Variants in SLC4A4 observed in about 807,000 individuals in gnomAD.
SLC4A4 encodes solute carrier family 4 member 4.
Under a neutral mutation model 111.5 loss-of-function variants are expected in SLC4A4, and 27 were observed. The ratio of observed to expected loss-of-function variants is 0.24; its 90% CI spans 0.18 to 0.33. The LOEUF (loss-of-function observed/expected upper bound fraction) is 0.33, where lower values mean the gene tolerates loss of function less well. Among genes scored for constraint, SLC4A4 ranks in the 10% least tolerant of loss-of-function variants. The pLI is 1.00. For missense variants in SLC4A4, 909 were observed against 1,315.5 expected (o/e 0.69, Z 4.78); for synonymous variants, 443 against 463.4 (o/e 0.96, Z 0.57).
Position 71,138,807 on chromosome 4 carries a change from A to C in SLC4A4, c.-2+46015A>C, listed in dbSNP as rs188631676. Reference sequence around the variant, plus strand: ...ATCCCAGCACTTTGGGAGGCCAAGGAGGGCGGATCACGAGGTCAGGAGATT... The same window carrying C: ...ATCCCAGCACTTTGGGAGGCCAAGGCGGGCGGATCACGAGGTCAGGAGATT... On this transcript the variant is annotated intron_variant, in intron 2 of 26. Coordinates refer to the SLC4A4 transcript ENST00000649996. Among the ~76,000 whole-genome samples the C allele has an allele frequency of 6.6e-3, 999 of 152,012 alleles. 9 individuals are homozygous for C. The highest frequency in any genetic ancestry group is 0.017 in the Middle Eastern group (5 of 294).
At chr4:71,525,804 T>C (rs1733366094) in intron 16 of SLC4A4, among the ~76,000 whole-genome samples, 1 of 152,124 alleles carries the variant, frequency 6.6e-6, no homozygotes, top group Non-Finnish European at 1.5e-5. Flanking sequence ...TTGATATCTT[T>C]ATTGATATAT....
intron 2 of SLC4A4, among the ~76,000 whole-genome samples, chr4:71,109,797 C>T (rs527289940): frequency 1.3e-5 from 2 of 152,086 alleles, no homozygotes; most frequent in Non-Finnish European, 2.9e-5. Flanking sequence ...TCGTCCTCGG[C>T]CTCCCGAAGT....
chr4:71,193,420 A>C (rs1745842015), intron 1 of SLC4A4, among the ~76,000 whole-genome samples: 1 of 152,124 alleles, frequency 6.6e-6, no homozygotes. Flanking sequence ...TGGCCTCCCA[A>C]AGTGCTGAGA....
At chr4:71,070,448 GA>G (rs1741634738) in intron 1 of SLC4A4, among the ~76,000 whole-genome samples, 1 of 152,156 alleles carries the variant, frequency 6.6e-6, no homozygotes, top group African/African-American at 2.4e-5. Context: ...GCTTCTTGAT[GA>G]AAGCAATGTA....
chr4:71,197,663 C>G (rs1746068048), intron 1 of SLC4A4, among the ~76,000 whole-genome samples: 1 of 152,092 alleles, frequency 6.6e-6, no homozygotes, highest in African/African-American at 2.4e-5. Flanking sequence ...CAACATGGCA[C>G]ATGTATACAT....
intron 3 of SLC4A4, among the ~76,000 whole-genome samples, chr4:71,270,534 T>A (rs1169774291): frequency 6.6e-6 from 1 of 152,234 alleles, no homozygotes; most frequent in Admixed American, 6.5e-5. Context: ...GACTTGGGGA[T>A]TCTGTGAGAA....
chr4:71,435,251 A>G (rs1724017506), intron 7 of SLC4A4, among the ~76,000 whole-genome samples: 1 of 152,174 alleles, frequency 6.6e-6, no homozygotes, highest in Non-Finnish European at 1.5e-5. Context: ...CAGAAATAAC[A>G]TCACACATCT....
At chr4:71,426,679 C>CA (rs1190847394) in intron 7 of SLC4A4, among the ~76,000 whole-genome samples, 1 of 152,086 alleles carries the variant, frequency 6.6e-6, no homozygotes, top group Non-Finnish European at 1.5e-5. Context: ...TTCTACATCC[C>CA]AGCCCTTGTT....
At chr4:71,478,973 A>G (rs957096819) in intron 14 of SLC4A4, among the ~76,000 whole-genome samples, 1 of 151,778 alleles carries the variant, frequency 6.6e-6, no homozygotes, top group Non-Finnish European at 1.5e-5. Context: ...CTCAAGGCAC[A>G]TTAATATTTT....
rs546783373 is a variant in SLC4A4, at chr4:71,400,969, G to A, written c.807+3316G>A. Among the ~76,000 whole-genome samples the A allele has an allele frequency of 4.6e-5, 7 of 152,224 alleles. No homozygotes were observed. The South Asian group carries it at 1.5e-3, about 32-fold the overall frequency. On this transcript the variant is annotated intron_variant, in intron 7 of 25. Transcript: ENST00000264485. ...GGCAGTAAACTCAAACTTGTCTTGT[G>A]TACTTGTCCAAGTTGGCCCCAAAAA...
rs942185317 is a variant in SLC4A4, at chr4:71,122,729, A to G, written c.-2+29937A>G. Among the ~76,000 whole-genome samples, 4 of 152,186 alleles carry G rather than the reference A, an allele frequency of 2.6e-5. No individual in the cohort carries two copies. In the South Asian group the frequency reaches 8.3e-4, roughly 32 times the overall value. On this transcript the variant is annotated intron_variant, in intron 2 of 26. Coordinates refer to the SLC4A4 transcript ENST00000649996. ...TCTCAGGCTTCCACATGCTGGCCGT[A>G]GAGTTTCTCCCAGACCATCCCCCCT...
chr4:71,459,297 A>C (rs1187445514), intron 12 of SLC4A4, among the ~76,000 whole-genome samples: 1 of 152,020 alleles, frequency 6.6e-6, no homozygotes, highest in Non-Finnish European at 1.5e-5. Flanking sequence ...TGTTTTGAGA[A>C]TAAGATATAA....
chr4:71,390,661 T>C (rs887322032), intron 6 of SLC4A4, among the ~76,000 whole-genome samples: 1 of 152,180 alleles, frequency 6.6e-6, no homozygotes, highest in East Asian at 1.9e-4. Flanking sequence ...TCTGTAGTGA[T>C]GTTATTCTGC....
At chr4:71,301,545 A>T (rs138060069) in intron 3 of SLC4A4, among the ~76,000 whole-genome samples, 4 of 152,368 alleles carry the variant, frequency 2.6e-5, no homozygotes, top group African/African-American at 9.6e-5. Flanking sequence ...GGGAATCCAG[A>T]TAGTAGTGTC....
intron 2 of SLC4A4, among the ~76,000 whole-genome samples, chr4:71,107,552 G>A (rs1207326149): frequency 2.0e-5 from 3 of 152,080 alleles, no homozygotes; most frequent in Admixed American, 2.0e-4. Flanking sequence ...GTTTCACCAT[G>A]TTGGCCAGGC....
Position 71,424,443 on chromosome 4 carries a change from G to A in SLC4A4, c.808-16173G>A, listed in dbSNP as rs529162646. Among the ~76,000 whole-genome samples, 8 of 151,882 alleles carry A rather than the reference G, an allele frequency of 5.3e-5. No individual in the cohort carries two copies. In the East Asian group the frequency reaches 1.6e-3, roughly 29 times the overall value. On this transcript the variant is annotated intron_variant, in intron 7 of 25. Coordinates refer to ENST00000264485, the MANE Select transcript of SLC4A4 (RefSeq NM_001098484.3). ...TGGAAGTCAGTGTGGCGATTCCTCA[G>A]GGATCTAGAACTAGAAATACCATTT...
chr4:71,379,134 T>A (rs73828118), intron 6 of SLC4A4, among the ~76,000 whole-genome samples: 3 of 152,186 alleles, frequency 2.0e-5, no homozygotes, highest in Non-Finnish European at 4.4e-5. Context: ...GCCAGAAGGA[T>A]CTACGTTATG....
intron 1 of SLC4A4, among the ~76,000 whole-genome samples, chr4:71,187,825 T>C (rs1158561773): frequency 1.3e-5 from 2 of 151,950 alleles, no homozygotes; most frequent in African/African-American, 4.8e-5. Context: ...CCTAAACCCA[T>C]CACAGGGGGA....
intron 2 of SLC4A4, among the ~76,000 whole-genome samples, chr4:71,160,680 T>TA (rs11331906): frequency 1.3e-5 from 2 of 150,182 alleles, no homozygotes; most frequent in East Asian, 2.0e-4. Context: ...AAGGAATGAT[T>TA]AAAAAAAAAG....
Sources: gnomAD v4.1 joint callset for allele counts (sites outside exome capture counted in the v4.1 genomes callset) on GRCh38, gnomAD v4.1.1 for gene constraint, MANE v1.5 for transcripts, NCBI Gene and HGNC (gene_info 2026-07-23, HGNC 2026-07-21) for gene names.